Variants in PHF24 observed in about 807,000 individuals in gnomAD.
The protein encoded by PHF24 is PHD finger protein 24.
In PHF24, 25 loss-of-function variants were observed where a neutral mutation model predicts 42.6. The observed-to-expected ratio is 0.59, with a 90% CI of 0.43 to 0.82. The LOEUF is 0.82. PHF24 is among the 40% of genes least tolerant of loss of function. PHF24 has a pLI of 0.00. For synonymous variants in PHF24, 185 were observed against 204.8 expected, an observed-to-expected ratio of 0.90 and a Z score of 0.83; for missense variants, 470 against 538.1, an observed-to-expected ratio of 0.87 and a Z score of 1.25.
At chr9:34,927,471 T>C in the PHF24 span, among the ~76,000 whole-genome samples, 2 of 152,124 alleles carry the variant, frequency 1.3e-5, no homozygotes, top group Admixed American at 1.3e-4. Flanking sequence ...CACCTTGCTC[T>C]CCTAATCTGG....
chr9:34,739,981 C>T, the PHF24 span, among the ~76,000 whole-genome samples: 32 of 152,214 alleles, frequency 2.1e-4, no homozygotes, highest in African/African-American at 7.7e-4. Context: ...TTCTCCAAGT[C>T]CCCACCAGAG....
the PHF24 span, among the ~76,000 whole-genome samples, chr9:34,819,999 A>G: frequency 2.6e-5 from 4 of 152,018 alleles, no homozygotes; most frequent in Admixed American, 6.6e-5. Flanking sequence ...TAGGATTTTT[A>G]TATCCTTTTG....
the PHF24 span, among the ~76,000 whole-genome samples, chr9:34,799,368 T>G: frequency 6.6e-6 from 1 of 152,322 alleles, no homozygotes; most frequent in Admixed American, 6.5e-5. Flanking sequence ...AATTAATGCC[T>G]TTGTCATAGG....
At chr9:34,918,412 A>G in the PHF24 span, 1 of 532,578 alleles carries the variant, frequency 1.9e-6, no homozygotes, top group Non-Finnish European at 3.4e-6. Context: ...GGTCTTTAAA[A>G]AAAAAAAAAA....
chr9:34,828,911 TTATCTA>T, the PHF24 span, among the ~76,000 whole-genome samples: 47 of 143,464 alleles, frequency 3.3e-4, no homozygotes, highest in Admixed American at 2.3e-3. Context: ...TTGCATGGTT[TTATCTA>T]TATCTATATC....
chr9:34,866,278 C>G, the PHF24 span, among the ~76,000 whole-genome samples: 70,800 of 152,052 alleles, frequency 0.47, 17,396 homozygotes, highest in Non-Finnish European at 0.55. Flanking sequence ...AAGTTTCACA[C>G]CATTTAAGCC....
At chr9:34,947,957 A>C in the PHF24 span, among the ~76,000 whole-genome samples, 1 of 151,940 alleles carries the variant, frequency 6.6e-6, no homozygotes, top group Admixed American at 6.6e-5. Context: ...AAATACAAAA[A>C]AATTAGCCGG....
At chr9:34,774,994 TA>T in the PHF24 span, among the ~76,000 whole-genome samples, 10 of 152,310 alleles carry the variant, frequency 6.6e-5, no homozygotes, top group Non-Finnish European at 1.5e-4. Context: ...GGGAAAACAG[TA>T]TGGTAGTTCC....
At chr9:34,761,051 T>A in the PHF24 span, among the ~76,000 whole-genome samples, 1 of 151,860 alleles carries the variant, frequency 6.6e-6, no homozygotes, top group African/African-American at 2.4e-5. Context: ...CATCAGAATC[T>A]CTGGGAGGCT....
At chr9:34,882,016 A>G in the PHF24 span, among the ~76,000 whole-genome samples, 2 of 152,130 alleles carry the variant, frequency 1.3e-5, no homozygotes, top group Non-Finnish European at 2.9e-5. Context: ...TATCCACCAC[A>G]ATCAAGTTGG....
At chr9:34,705,606 A>G in the PHF24 span, among the ~76,000 whole-genome samples, 1 of 152,244 alleles carries the variant, frequency 6.6e-6, no homozygotes, top group Non-Finnish European at 1.5e-5. Context: ...ACACGCATAC[A>G]TGCACCAAAA....
exon 4 of PHF24, chr9:34,976,162 A>G (rs1361973016): frequency 6.2e-7 from 1 of 1,613,860 alleles, no homozygotes; most frequent in Non-Finnish European, 8.5e-7. Context: ...GACAACATCA[A>G]CTTGCTGCTT....
At chr9:34,958,244 C>CCGT, upstream of PHF24, 1 of 154,432 alleles carries the variant, frequency 6.5e-6, no homozygotes, top group Non-Finnish European at 1.3e-5. The surrounding 1 kb of genome is among the most constrained non-coding windows in gnomAD (Gnocchi z 4.5). Context: ...GCCGCCGCCG[C>CCGT]CGCCGCCGCC....
chr9:34,950,058 A>C, the PHF24 span, among the ~76,000 whole-genome samples: 1 of 152,286 alleles, frequency 6.6e-6, no homozygotes, highest in Admixed American at 6.5e-5. Flanking sequence ...GTTAAAAATA[A>C]TAATAACCAC....
chr9:34,938,601 CA>C, the PHF24 span, among the ~76,000 whole-genome samples: 1 of 152,150 alleles, frequency 6.6e-6, no homozygotes, highest in Non-Finnish European at 1.5e-5. Flanking sequence ...TTCCCTGAAA[CA>C]TAGTTTCCTC....
the PHF24 span, among the ~76,000 whole-genome samples, chr9:34,868,074 G>T: frequency 6.6e-6 from 1 of 152,084 alleles, no homozygotes; most frequent in Non-Finnish European, 1.5e-5. Flanking sequence ...TCTCCTCTGT[G>T]ATCAGAAAAA....
the PHF24 span, among the ~76,000 whole-genome samples, chr9:34,844,175 T>G: frequency 6.6e-6 from 1 of 152,092 alleles, no homozygotes; most frequent in Non-Finnish European, 1.5e-5. Context: ...TTTATTTGAG[T>G]CTTCTCTCTT....
At chr9:34,960,148 G>A (rs1826539444) in intron 1 of PHF24, among the ~76,000 whole-genome samples, 1 of 152,184 alleles carries the variant, frequency 6.6e-6, no homozygotes, top group Non-Finnish European at 1.5e-5. Context: ...CTCCAAGGAT[G>A]GATTCTGGTT....
chr9:34,672,444 T>C, the PHF24 span, among the ~76,000 whole-genome samples: 1 of 152,344 alleles, frequency 6.6e-6, no homozygotes, highest in East Asian at 1.9e-4. Flanking sequence ...GACCATTTTC[T>C]GTTTCTTAAC....
Sources: gnomAD v4.1 joint callset for allele counts (sites outside exome capture counted in the v4.1 genomes callset) on GRCh38, gnomAD v4.1.1 for gene constraint, Gnocchi (gnomAD v3.1) non-coding constraint, MANE v1.5 for transcripts, NCBI Gene and HGNC (gene_info 2026-07-23, HGNC 2026-07-21) for gene names.